CADPS2: variants seen among roughly 807,000 people sequenced by gnomAD.
CADPS2 encodes calcium-dependent secretion activator 2.
Under a neutral mutation model 172.5 loss-of-function variants are expected in CADPS2, and 93 were observed. That is an observed-to-expected ratio of 0.54 (90% CI 0.46 to 0.64). CADPS2 has a LOEUF of 0.64. Among genes scored for constraint, CADPS2 ranks in the 30% least tolerant of loss-of-function variants. CADPS2 has a pLI of 0.00. For missense variants in CADPS2, 1,420 were observed against 1,565.9 expected, an observed-to-expected ratio of 0.91 and a Z score of 1.57; for synonymous variants, 546 against 555.2, an observed-to-expected ratio of 0.98 and a Z score of 0.23.
At chr7:122,693,147 A>G (rs2084614329) in intron 2 of CADPS2, among the ~76,000 whole-genome samples, 2 of 152,172 alleles carry the variant, frequency 1.3e-5, no homozygotes, top group Non-Finnish European at 2.9e-5. Context: ...TTCTTAACCA[A>G]AATTCCATGT....
intron 8 of CADPS2, among the ~76,000 whole-genome samples, chr7:122,546,063 T>A (rs1223346745): frequency 6.6e-6 from 1 of 152,166 alleles, no homozygotes; most frequent in Non-Finnish European, 1.5e-5. Context: ...CTTAAGGATA[T>A]AAATGAATGC....
chr7:122,732,370 C>A (rs1588849681), intron 2 of CADPS2, among the ~76,000 whole-genome samples: 1 of 149,998 alleles, frequency 6.7e-6, no homozygotes. Flanking sequence ...TGTCTATAGA[C>A]TATATAGACC....
chr7:122,733,816 A>C (rs751317784), intron 2 of CADPS2, among the ~76,000 whole-genome samples: 2 of 152,014 alleles, frequency 1.3e-5, no homozygotes, highest in African/African-American at 2.4e-5. Context: ...CTGACTGGGA[A>C]CCTAGTGCAA....
At chr7:122,688,321 C>T (rs909989824) in intron 2 of CADPS2, among the ~76,000 whole-genome samples, 1 of 152,198 alleles carries the variant, frequency 6.6e-6, no homozygotes, top group Non-Finnish European at 1.5e-5. Flanking sequence ...GTAGGCGACC[C>T]ACCCAATTCA....
Position 122,407,663 on chromosome 7 carries a change from G to A in CADPS2, c.2623C>T (p.His875Tyr). 6.2e-7 allele frequency: 1 copy of A among 1,611,484 alleles called. No individual in the cohort carries two copies. The highest frequency in any genetic ancestry group is 8.5e-7 in the Non-Finnish European group (1 of 1,178,792). The change falls in exon 20 of 30, where the codon CAT becomes TAT. Residue 875 changes from histidine to tyrosine, a missense_variant. Coordinates refer to ENST00000449022, the MANE Select transcript of CADPS2 (RefSeq NM_017954.11). The stretch of plus-strand genomic sequence containing the variant: ...AATAAAGCCCAAAATTTCTCTGCAT[G>A]TTCAGCCAATAAATCAGGCCACCAG... ...FAWWPDLLAE[H>Y]AEKFWALFTV...
chr7:122,717,977 A>ATT lies in CADPS2; in HGVS notation c.453+18976_453+18977dup, dbSNP rs36154725. The stretch of plus-strand genomic sequence containing the variant: ...AGGTGCATTCCACCACACTCGGCTA[A>ATT]TTTTTTTTTTTTTTTTTTTTTTTTT... On this transcript the variant is annotated intron_variant, in intron 2 of 29. Coordinates refer to ENST00000449022, the MANE Select transcript of CADPS2 (RefSeq NM_017954.11). 2.5e-4 allele frequency among the ~76,000 whole-genome samples: 22 copies of ATT among 87,212 alleles called. 1 individual carries two copies. The highest frequency in any genetic ancestry group is 1.2e-3 in the East Asian group (3 of 2,462). The allele number at this position is 87,212 out of a possible 152,430, so 57.2% of individuals were successfully genotyped here. A position where few individuals can be genotyped will look rare whatever the true frequency, so the allele number is the denominator to read the frequency against.
At chr7:122,499,210 C>A (rs1329924870) in intron 9 of CADPS2, among the ~76,000 whole-genome samples, 1 of 152,206 alleles carries the variant, frequency 6.6e-6, no homozygotes, top group Non-Finnish European at 1.5e-5. Flanking sequence ...TCTAGCCCAT[C>A]ATTTCACAGA....
chr7:122,507,232 C>T (rs776253844), intron 9 of CADPS2, among the ~76,000 whole-genome samples: 12 of 151,844 alleles, frequency 7.9e-5, no homozygotes, highest in African/African-American at 1.5e-4. Context: ...AACATTTGAA[C>T]GGATATCTAA....
intron 8 of CADPS2, among the ~76,000 whole-genome samples, chr7:122,516,286 G>C (rs541158573): frequency 7.9e-5 from 12 of 152,306 alleles, no homozygotes; most frequent in Non-Finnish European, 1.8e-4. Flanking sequence ...TGTAGTCCCA[G>C]AACTGTGGGA....
chr7:122,654,222 A>G (rs2079493207), intron 3 of CADPS2, among the ~76,000 whole-genome samples: 1 of 152,234 alleles, frequency 6.6e-6, no homozygotes, highest in South Asian at 2.1e-4. Flanking sequence ...TGAAGCAGCA[A>G]GTGCTGATGT....
intron 2 of CADPS2, chr7:122,676,630 C>G: frequency 3.6e-6 from 5 of 1,389,956 alleles, no homozygotes; most frequent in South Asian, 1.2e-5. Flanking sequence ...GATGACTGAT[C>G]AGCTCAAGTA....
At chr7:122,636,270 AC>A (rs2077052913) in intron 3 of CADPS2, among the ~76,000 whole-genome samples, 1 of 151,810 alleles carries the variant, frequency 6.6e-6, no homozygotes, top group South Asian at 2.1e-4. Context: ...TCTTTTAAGG[AC>A]CTCTTGTAAG....
chr7:122,728,654 A>G (rs1178172464), intron 2 of CADPS2, among the ~76,000 whole-genome samples: 2 of 151,800 alleles, frequency 1.3e-5, no homozygotes, highest in Admixed American at 1.3e-4. Flanking sequence ...AAAGAGAAGT[A>G]CAACGGAAGA....
chr7:122,386,205 T>C, intron 24 of CADPS2: 3 of 935,128 alleles, frequency 3.2e-6, no homozygotes, highest in Non-Finnish European at 4.5e-6. Flanking sequence ...TTATATAATT[T>C]TAATTTGAAA....
At chr7:122,420,339 C>T (rs1415460434) in intron 17 of CADPS2, among the ~76,000 whole-genome samples, 1 of 152,126 alleles carries the variant, frequency 6.6e-6, no homozygotes. Flanking sequence ...TCTGAGAGTA[C>T]CCTGTGTTCT....
intron 11 of CADPS2, among the ~76,000 whole-genome samples, chr7:122,481,555 C>T (rs1000972228): frequency 4.6e-5 from 7 of 151,872 alleles, no homozygotes; most frequent in Middle Eastern, 3.4e-3. Flanking sequence ...GCCTGGCCAA[C>T]GTGGAGAAAC....
intron 17 of CADPS2, among the ~76,000 whole-genome samples, chr7:122,425,325 T>C (rs2049018458): frequency 6.7e-6 from 1 of 148,606 alleles, no homozygotes; most frequent in South Asian, 2.1e-4. Context: ...CCATGGTTCA[T>C]GCCTGTAATC....
At position 122,857,078 on chromosome 7, in the gene CADPS2, A is replaced by G. The variant is rs1377513464; in HGVS notation, c.339+28921T>C. The stretch of plus-strand genomic sequence containing the variant: ...TGTATGTATGAGGAAAGAATATATA[A>G]CCATTGAAATATTAGAGTTTTTGAA... On this transcript the variant is annotated intron_variant, in intron 1 of 29. Transcript: ENST00000449022. Among the ~76,000 whole-genome samples, 4 of 152,216 alleles carry G rather than the reference A, an allele frequency of 2.6e-5. No homozygotes were observed. In the East Asian group the frequency reaches 7.7e-4, roughly 29 times the overall value.
chr7:122,827,045 G>C (rs569680115), intron 1 of CADPS2, among the ~76,000 whole-genome samples: 1 of 152,216 alleles, frequency 6.6e-6, no homozygotes, highest in Non-Finnish European at 1.5e-5. Flanking sequence ...AACAAAAAAA[G>C]AGACAATAAT....
Sources: allele counts gnomAD v4.1 joint callset (sites outside exome capture counted in the v4.1 genomes callset), GRCh38; gene constraint gnomAD v4.1.1; transcripts MANE v1.5; gene names NCBI Gene and HGNC (gene_info 2026-07-23, HGNC 2026-07-21).